Variants in ETFA observed in about 807,000 individuals in gnomAD.
ETFA encodes electron transfer flavoprotein subunit alpha, mitochondrial.
Under a neutral mutation model 46.2 loss-of-function variants are expected in ETFA, and 22 were observed. That is an observed-to-expected ratio of 0.48 (90% confidence interval 0.34 to 0.68). The LOEUF (loss-of-function observed/expected upper bound fraction) is 0.68, where lower values mean the gene tolerates loss of function less well. Among genes scored for constraint, ETFA ranks in the 30% least tolerant of loss-of-function variants. The probability of loss-of-function intolerance (pLI) is 0.01; values close to 1 mark genes in which losing one functional copy is unlikely to be tolerated. For synonymous variants in ETFA, 131 were observed against 139.9 expected, an observed-to-expected ratio of 0.94 and a Z score of 0.45; for missense variants, 345 against 401.1, an observed-to-expected ratio of 0.86 and a Z score of 1.19.
chr15:76,239,606 T>C (rs764504823), intron 9 of ETFA, among the ~76,000 whole-genome samples: 13 of 152,024 alleles, frequency 8.6e-5, no homozygotes, highest in Non-Finnish European at 1.6e-4. Context: ...TTAACCTAGG[T>C]TGATTCTAAA....
chr15:76,286,693 GA>G (rs1028806393), intron 5 of ETFA, among the ~76,000 whole-genome samples: 62 of 152,228 alleles, frequency 4.1e-4, no homozygotes, highest in African/African-American at 1.5e-3. Context: ...TTAAAAGCAG[GA>G]CAGGTACTAC....
intron 9 of ETFA, among the ~76,000 whole-genome samples, chr15:76,254,710 T>C (rs1468216834): frequency 6.6e-6 from 1 of 152,212 alleles, no homozygotes; most frequent in African/African-American, 2.4e-5. Flanking sequence ...ACCATCACTC[T>C]GATGGCTAAT....
intron 10 of ETFA, chr15:76,230,153 A>G (rs961728916): frequency 7.0e-6 from 1 of 143,340 alleles, no homozygotes; most frequent in East Asian, 2.1e-4. Flanking sequence ...ACAGAGCGAG[A>G]CTCTTGTCTC....
At chr15:76,274,628 G>T in intron 8 of ETFA, 134 bp from the exon 9 acceptor site, 3 of 741,810 alleles carry the variant, frequency 4.0e-6, no homozygotes, top group Admixed American at 2.1e-5. Flanking sequence ...AAAGCTTCAA[G>T]GAATAACTTC....
rs546200305 is a variant in ETFA at position 76,301,944 on chromosome 15, A to G, written c.40-6207T>C. The stretch of plus-strand genomic sequence containing the variant: ...CAAGAAGCATATGAAAAGATGCTCA[A>G]CATCAAGATGCTCACTAGGAAATTG... On this transcript the variant is annotated intron_variant, in intron 1 of 11. Coordinates refer to ENST00000557943, the MANE Select transcript of ETFA (RefSeq NM_000126.4). Among the ~76,000 whole-genome samples the G allele has an allele frequency of 3.3e-5, 5 of 152,344 alleles. No homozygotes were observed. The East Asian group carries it at 7.7e-4, about 24-fold the overall frequency.
At position 76,274,338 on chromosome 15, in the gene ETFA, A is replaced by T. The variant is rs529538455; in HGVS notation, c.816+74T>A. ...ACACTGAGTAAGGTAAATCACTGAG[A>T]TCACTGTTCAACAAATACATACAGT... On this transcript the variant is annotated intron_variant, in intron 9 of 11. Coordinates refer to ENST00000557943, the MANE Select transcript of ETFA (RefSeq NM_000126.4). 3.4e-5 allele frequency: 38 copies of T among 1,127,606 alleles called. 1 individual carries two copies. Among genetic ancestry groups the T allele is most frequent in the East Asian group, 2.8e-4 (11 of 39,434 alleles). 69.9% of individuals were successfully genotyped at this position (1,127,606 alleles called of 1,614,324 possible). A position where few individuals can be genotyped will look rare whatever the true frequency, so the allele number is the denominator to read the frequency against.
chr15:76,272,339 ACCCCC>A (rs2039544665), intron 9 of ETFA, among the ~76,000 whole-genome samples: 1 of 151,056 alleles, frequency 6.6e-6, no homozygotes, highest in African/African-American at 2.4e-5. Context: ...TCCTGTTTCA[ACCCCC>A]ACAGTAGCTG....
chr15:76,295,997 AG>A, intron 1 of ETFA, among the ~76,000 whole-genome samples: 1 of 90,892 alleles, frequency 1.1e-5, no homozygotes, highest in Admixed American at 1.9e-4. Context: ...GCTGGAGTGC[AG>A]TGGCGCGTGC....
chr15:76,231,630 G>T (rs544921764), intron 9 of ETFA, among the ~76,000 whole-genome samples: 306 of 152,200 alleles, frequency 2.0e-3, no homozygotes, highest in Non-Finnish European at 3.2e-3. Flanking sequence ...GGATAATGAG[G>T]ATTACTGAAC....
At chr15:76,283,548 T>C (rs2039675354) in intron 8 of ETFA, among the ~76,000 whole-genome samples, 1 of 152,080 alleles carries the variant, frequency 6.6e-6, no homozygotes, top group South Asian at 2.1e-4. Context: ...TAGGCAAAGG[T>C]AAGAGATACT....
At chr15:76,272,506 C>G (rs1441645076) in intron 9 of ETFA, among the ~76,000 whole-genome samples, 1 of 152,132 alleles carries the variant, frequency 6.6e-6, no homozygotes, top group East Asian at 1.9e-4. Context: ...AGGCTTGAGC[C>G]ACTGCGCCCA....
At chr15:76,269,041 C>T (rs1434970147) in intron 9 of ETFA, among the ~76,000 whole-genome samples, 3 of 152,208 alleles carry the variant, frequency 2.0e-5, no homozygotes, top group Non-Finnish European at 4.4e-5. Flanking sequence ...GATGGGTTGT[C>T]TACATTCAAT....
chr15:76,236,211 C>T (rs947322473), intron 9 of ETFA, among the ~76,000 whole-genome samples: 3 of 152,184 alleles, frequency 2.0e-5, no homozygotes, highest in African/African-American at 7.2e-5. Context: ...CTGTCCTCTG[C>T]TACATTGCAT....
At chr15:76,286,131 G>T (rs1189814281) in intron 6 of ETFA, among the ~76,000 whole-genome samples, 1 of 152,034 alleles carries the variant, frequency 6.6e-6, no homozygotes, top group African/African-American at 2.4e-5. Context: ...AATCTTAATA[G>T]ATCCTCTGTC....
chr15:76,264,624 G>A (rs2039451815), intron 9 of ETFA, among the ~76,000 whole-genome samples: 1 of 152,186 alleles, frequency 6.6e-6, no homozygotes, highest in South Asian at 2.1e-4. Flanking sequence ...ACAGCTTCTT[G>A]CATATGATAA....
At chr15:76,260,110 C>T (rs553207391) in intron 9 of ETFA, 28 of 1,484,176 alleles carry the variant, frequency 1.9e-5, no homozygotes, top group East Asian at 1.8e-4. Context: ...CTGGGCCTAC[C>T]GCACTGAACC....
At chr15:76,278,651 C>G (rs2039619964) in intron 8 of ETFA, among the ~76,000 whole-genome samples, 1 of 152,178 alleles carries the variant, frequency 6.6e-6, no homozygotes, top group African/African-American at 2.4e-5. Flanking sequence ...TAGCTGTTTC[C>G]TAAACTATAA....
intron 9 of ETFA, among the ~76,000 whole-genome samples, chr15:76,238,999 C>G (rs2039155795): frequency 6.6e-6 from 1 of 152,184 alleles, no homozygotes; most frequent in Non-Finnish European, 1.5e-5. Flanking sequence ...GACAACACCC[C>G]TTTACTAAGA....
At chr15:76,260,776 C>A in intron 9 of ETFA, 1 of 1,604,324 alleles carries the variant, frequency 6.2e-7, no homozygotes, top group Non-Finnish European at 8.5e-7. Context: ...GGCACCCAGT[C>A]AGCATAAGGA....
Sources: gnomAD v4.1 joint callset for allele counts (sites outside exome capture counted in the v4.1 genomes callset) on GRCh38, gnomAD v4.1.1 for gene constraint, MANE v1.5 for transcripts, NCBI Gene and HGNC (gene_info 2026-07-23, HGNC 2026-07-21) for gene names.